The following RABL6 variants were observed in gnomAD, a reference collection of about 807,000 sequenced individuals.
RABL6 encodes the protein RAB, member RAS oncogene family like 6, also known as rab-like protein 6.
RABL6 carries 28 observed loss-of-function variants against 72.9 expected under a neutral mutation model. That is an observed-to-expected ratio of 0.38 (90% confidence interval 0.28 to 0.53). The LOEUF (loss-of-function observed/expected upper bound fraction) is 0.53, where lower values mean the gene tolerates loss of function less well. RABL6 is among the 20% of genes least tolerant of loss of function. The probability of loss-of-function intolerance (pLI) is 0.80; values close to 1 mark genes in which losing one functional copy is unlikely to be tolerated. For missense variants in RABL6, 1,029 were observed against 1,008.4 expected, an observed-to-expected ratio of 1.02 and a Z score of -0.28; for synonymous variants, 477 against 421.2, an observed-to-expected ratio of 1.13 and a Z score of -1.62.
In RABL6 at chr9:136,826,855, AT is replaced by A. The variant is rs1290903954; in HGVS notation, c.313+1032del. ...CCTGGCCCCTTTCGGAGCTGCAGAG[AT>A]TTCCTGTGCCTCCAGCTCTGGCTTC... On this transcript the variant is annotated intron_variant, in intron 3 of 14. Coordinates refer to ENST00000311502, the MANE Select transcript of RABL6 (RefSeq NM_024718.5). The surrounding 1 kb of genome is among the most constrained non-coding windows in gnomAD (Gnocchi z 4.9). The A allele has an allele frequency of 6.6e-6, 1 of 152,230 alleles. No homozygotes were observed. Among genetic ancestry groups the A allele is most frequent in the East Asian group, 1.9e-4 (1 of 5,176 alleles). 9.4% of individuals were successfully genotyped at this position (152,230 alleles called of 1,614,324 possible). A position where few individuals can be genotyped will look rare whatever the true frequency, so the allele number is the denominator to read the frequency against.
intron 8 of RABL6, chr9:136,837,138 G>A (rs770566960): frequency 2.8e-6 from 2 of 710,784 alleles, no homozygotes; most frequent in African/African-American, 3.5e-5. Context: ...GCCTCCTACA[G>A]TGCTGGGATT....
Position 136,838,910 on chromosome 9 carries a change from G to A in RABL6, c.1282G>A (p.Asp428Asn). ...ACCGCTTTGCCCCCTGCTTTGCAGT[G>A]ATGGGGAGGCCCTGGGCGGCAACCC... ...AKAAQQDSDSDGEALGGNPMV... is the reference protein window; with the variant it reads ...AKAAQQDSDSNGEALGGNPMV... The change falls in exon 11 of 15, where the codon GAT becomes AAT. Residue 428 changes from aspartate to asparagine, a missense_variant and splice_region_variant. By Grantham distance (23) the Asp-to-Asn change is conservative. This residue lies in a region of RABL6 where 595 missense variants were observed against 472.4 expected (regional missense o/e 1.26). Transcript: ENST00000311502. 6.3e-7 allele frequency: 1 copy of A among 1,585,298 alleles called. No individual in the cohort carries two copies. Among genetic ancestry groups the A allele is most frequent in the South Asian group, 1.1e-5 (1 of 87,424 alleles).
Position 136,835,801 on chromosome 9 carries a change from G to A in RABL6, c.765G>A (p.Glu255=). The part of the protein sequence containing the change: ...TNQLDMDATL[E]ELSVQQETED... ...AGCTGGACATGGACGCCACGCTGGA[G>A]GAGCTGTCGGTGCAGCAGGAGACGG... Residue 255 remains glutamate (E), a synonymous_variant, in exon 8 of 15, where the codon GAG becomes GAA. Transcript: ENST00000311502. The A allele has an allele frequency of 1.9e-6, 3 of 1,555,192 alleles. No homozygotes were observed. Among genetic ancestry groups the A allele is most frequent in the South Asian group, 2.4e-5 (2 of 84,294 alleles).
Position 136,840,847 on chromosome 9 carries a change from T to G in RABL6, c.*325T>G. 6.5e-7 allele frequency: 1 copy of G among 1,543,920 alleles called. No individual in the cohort carries two copies. ...CAGGAGGGACCTGTGAGGGTCTGTT[T>G]ACAGAGGCTGGGCAGGGGCCGCTTG... On this transcript the variant is annotated 3_prime_UTR_variant, in exon 15 of 15. Transcript: ENST00000311502.
chr9:136,810,603 G>C (rs1183118494), intron 1 of RABL6, among the ~76,000 whole-genome samples: 1 of 152,062 alleles, frequency 6.6e-6, no homozygotes, highest in Non-Finnish European at 1.5e-5. Context: ...GTGCAGTGGC[G>C]TGATCTCAGC....
chr9:136,818,866 C>T (rs894575213), intron 1 of RABL6, among the ~76,000 whole-genome samples: 3 of 152,106 alleles, frequency 2.0e-5, no homozygotes, highest in African/African-American at 7.2e-5. Context: ...TGAAGCTGGA[C>T]AGTCAAGGCG....
intron 5 of RABL6, 83 bp from the exon 6 acceptor site, chr9:136,831,638 G>T (rs1588366048): frequency 1.1e-5 from 17 of 1,576,560 alleles, no homozygotes; most frequent in Non-Finnish European, 1.4e-5. Context: ...ACCATCCTCG[G>T]GCCTGGGCGC....
rs1386040271 is a variant in RABL6 at position 136,840,595 on chromosome 9, A to C, written c.*73A>C. On this transcript the variant is annotated 3_prime_UTR_variant, in exon 15 of 15. Coordinates refer to ENST00000311502, the MANE Select transcript of RABL6 (RefSeq NM_024718.5). ...TGCCTGGGGAGGCATTTGCCTCTGTACCATCGCCTTTGCCGCTGCCCCGTG... is the reference window on the plus strand; with the variant it reads ...TGCCTGGGGAGGCATTTGCCTCTGTCCCATCGCCTTTGCCGCTGCCCCGTG... 6.5e-7 allele frequency: 1 copy of C among 1,549,350 alleles called. No homozygotes were observed. Among genetic ancestry groups the C allele is most frequent in the Admixed American group, 2.0e-5 (1 of 50,994 alleles).
At chr9:136,834,313 A>C in intron 7 of RABL6, 1 of 1,020,332 alleles carries the variant, frequency 9.8e-7, no homozygotes, top group Non-Finnish European at 1.2e-6. Context: ...ACAATAACAA[A>C]TTGAAAAAAT....
intron 1 of RABL6, among the ~76,000 whole-genome samples, chr9:136,818,394 AAAAAAAAAAAC>A (rs1848168745): frequency 4.2e-5 from 1 of 23,604 alleles, no homozygotes; most frequent in Non-Finnish European, 8.4e-5. Context: ...AAAAAAAAAA[AAAAAAAAAAAC>A]CAAAGGTAAG....
intron 11 of RABL6, 34 bp from the exon 12 acceptor site, chr9:136,839,188 A>G (rs1408579369): frequency 1.3e-6 from 2 of 1,597,656 alleles, no homozygotes; most frequent in South Asian, 1.1e-5. Flanking sequence ...ACGCCTCCAG[A>G]GGACCCTGAC....
intron 1 of RABL6, among the ~76,000 whole-genome samples, chr9:136,812,016 AT>A (rs778201437): frequency 1.2e-4 from 19 of 152,220 alleles, no homozygotes; most frequent in Admixed American, 9.8e-4. Context: ...GGTTTACACA[AT>A]TTTGAAATTA....
intron 7 of RABL6, among the ~76,000 whole-genome samples, chr9:136,834,965 T>C (rs1403636578): frequency 7.6e-6 from 1 of 132,030 alleles, no homozygotes; most frequent in Non-Finnish European, 1.6e-5. Flanking sequence ...CTGAAAAAGA[T>C]GATTCAAAAA....
chr9:136,833,780 AG>A, intron 7 of RABL6: 1 of 1,550,252 alleles, frequency 6.5e-7, no homozygotes, highest in Non-Finnish European at 8.7e-7. Context: ...AGAAGAAGTG[AG>A]GATGCCTGCA....
intron 3 of RABL6, 95 bp downstream of exon 3, chr9:136,825,921 C>A: frequency 1.4e-6 from 2 of 1,424,918 alleles, no homozygotes; most frequent in Non-Finnish European, 2.0e-6. Flanking sequence ...ATGCATCACC[C>A]ACCATCCTCG....
chr9:136,814,075 C>CT, intron 1 of RABL6: 1 of 367,300 alleles, frequency 2.7e-6, no homozygotes, highest in Non-Finnish European at 5.4e-6. Context: ...TTCCAAGGCT[C>CT]TTTCCAGGTC....
rs1014894029 is a variant in RABL6 at position 136,838,147 on chromosome 9, A to G, written c.1280+132A>G. On this transcript the variant is annotated intron_variant, in intron 10 of 14. Transcript: ENST00000311502. ...GCTGGTCACTGTTGGCTGAGGACAG[A>G]GCAGCTCTGTGGCTGGAGCAGACGA... The G allele has an allele frequency of 2.5e-6, 3 of 1,178,264 alleles. No individual in the cohort carries two copies. In the Admixed American group the frequency reaches 7.5e-5, roughly 30 times the overall value. 73.0% of individuals were successfully genotyped at this position (1,178,264 alleles called of 1,614,324 possible).
At position 136,833,600 on chromosome 9, in the gene RABL6, C is replaced by T. The variant is rs896920090; in HGVS notation, c.705+1230C>T. On this transcript the variant is annotated intron_variant, in intron 7 of 14. Coordinates refer to ENST00000311502, the MANE Select transcript of RABL6 (RefSeq NM_024718.5). ...CTGGGTCTGGGGACCTGAACCTCCT[C>T]GCCCTGGGCTGCCCCAGCTGGGTCT... The T allele has an allele frequency of 3.9e-5, 54 of 1,392,012 alleles. No homozygotes were observed. The South Asian group carries it at 6.4e-4, about 17-fold the overall frequency. The allele number at this position is 1,392,012 out of a possible 1,614,324, so 86.2% of individuals were successfully genotyped here.
chr9:136,840,546 T>C lies in RABL6; in HGVS notation c.*24T>C, dbSNP rs1216347054. On this transcript the variant is annotated 3_prime_UTR_variant, in exon 15 of 15. Transcript: ENST00000311502. ...AGGCCGGCGTGGGCAGTGGCCGCCC[T>C]GGGGCGGGGGGCGTGCCTGTCACTG... 8 of 1,522,308 alleles carry C rather than the reference T, an allele frequency of 5.3e-6. No homozygotes were observed. The highest frequency in any genetic ancestry group is 7.1e-6 in the Non-Finnish European group (8 of 1,131,842). 94.3% of individuals were successfully genotyped at this position (1,522,308 alleles called of 1,614,324 possible). A position where few individuals can be genotyped will look rare whatever the true frequency, so the allele number is the denominator to read the frequency against.
Sources: allele counts gnomAD v4.1 joint callset (sites outside exome capture counted in the v4.1 genomes callset), GRCh38; gene constraint gnomAD v4.1.1; regional missense constraint gnomAD v4.1.1; non-coding constraint Gnocchi (gnomAD v3.1); transcripts MANE v1.5; gene names NCBI Gene and HGNC (gene_info 2026-07-23, HGNC 2026-07-21).